NKAIN2: variants seen among roughly 807,000 people sequenced by gnomAD.
The protein encoded by NKAIN2 is sodium/potassium-transporting ATPase subunit beta-1-interacting protein 2.
In NKAIN2, 14 loss-of-function variants were observed where a neutral mutation model predicts 32.6. That is an observed-to-expected ratio of 0.43 (90% CI 0.28 to 0.67). The LOEUF is 0.67. Among genes scored for constraint, NKAIN2 ranks in the 30% least tolerant of loss-of-function variants. The probability of loss-of-function intolerance (pLI) is 0.17; values close to 1 mark genes in which losing one functional copy is unlikely to be tolerated. For synonymous variants in NKAIN2, 80 were observed against 87.2 expected (o/e 0.92, Z 0.46); for missense variants, 198 against 258.3 (o/e 0.77, Z 1.60).
chr6:124,080,720 G>A (rs371815665), intron 1 of NKAIN2, among the ~76,000 whole-genome samples: 6 of 149,010 alleles, frequency 4.0e-5, no homozygotes, highest in East Asian at 2.0e-4. Flanking sequence ...AAACACACAC[G>A]ACTACTAGCA....
intron 4 of NKAIN2, among the ~76,000 whole-genome samples, chr6:124,775,652 A>T (rs972833624): frequency 6.6e-6 from 1 of 152,094 alleles, no homozygotes; most frequent in African/African-American, 2.4e-5. Flanking sequence ...ATTGCATGTG[A>T]CTATAAAGAG....
chr6:124,789,621 A>G (rs1293970094), intron 4 of NKAIN2, among the ~76,000 whole-genome samples: 1 of 151,932 alleles, frequency 6.6e-6, no homozygotes, highest in South Asian at 2.1e-4. Context: ...TCAAATCACT[A>G]TGTGATTTGA....
intron 1 of NKAIN2, among the ~76,000 whole-genome samples, chr6:123,898,056 C>A (rs1236698879): frequency 6.6e-6 from 1 of 152,146 alleles, no homozygotes; most frequent in Non-Finnish European, 1.5e-5. Context: ...CAAATTTATA[C>A]TTACAGCACA....
intron 1 of NKAIN2, among the ~76,000 whole-genome samples, chr6:124,046,591 C>T (rs543568704): frequency 6.6e-6 from 1 of 151,904 alleles, no homozygotes; most frequent in African/African-American, 2.4e-5. Context: ...TTGAATTAAG[C>T]AATAAAGAGT....
intron 3 of NKAIN2, among the ~76,000 whole-genome samples, chr6:124,515,512 G>A (rs1402868364): frequency 2.6e-5 from 4 of 151,874 alleles, no homozygotes; most frequent in Non-Finnish European, 5.9e-5. Flanking sequence ...CCAACTCTCG[G>A]ATGATTCATA....
chr6:124,348,504 G>T (rs1278988843), intron 2 of NKAIN2, among the ~76,000 whole-genome samples: 8 of 152,212 alleles, frequency 5.3e-5, no homozygotes, highest in Admixed American at 5.2e-4. Context: ...GAGCTTCCTG[G>T]CTGCTTTGTT....
intron 1 of NKAIN2, among the ~76,000 whole-genome samples, chr6:124,081,622 A>T (rs190784681): frequency 1.3e-5 from 2 of 152,092 alleles, no homozygotes; most frequent in African/African-American, 4.8e-5. Flanking sequence ...TCAGTAAAGG[A>T]TATTAAAGTT....
At chr6:124,582,626 C>T (rs1172310382) in intron 3 of NKAIN2, among the ~76,000 whole-genome samples, 2 of 151,984 alleles carry the variant, frequency 1.3e-5, no homozygotes, top group African/African-American at 4.8e-5. Context: ...CTAGTATTGT[C>T]TTGATACCAA....
chr6:124,345,692 A>AT (rs1309671122), intron 2 of NKAIN2, among the ~76,000 whole-genome samples: 2 of 151,546 alleles, frequency 1.3e-5, no homozygotes, highest in African/African-American at 4.9e-5. Context: ...CCCCTTTATC[A>AT]TTTTTTATTG....
chr6:124,390,484 T>C (rs1259996928), intron 3 of NKAIN2, among the ~76,000 whole-genome samples: 1 of 152,130 alleles, frequency 6.6e-6, no homozygotes, highest in Non-Finnish European at 1.5e-5. Flanking sequence ...CTGGCATGTG[T>C]CTTTTCCAAA....
At chr6:124,729,344 A>G (rs989591272) in intron 4 of NKAIN2, among the ~76,000 whole-genome samples, 29 of 150,920 alleles carry the variant, frequency 1.9e-4, no homozygotes, top group African/African-American at 7.0e-4. Flanking sequence ...GCAGCACATC[A>G]AAAAGCTTAT....
chr6:124,302,141 T>C (rs746156095), intron 2 of NKAIN2, among the ~76,000 whole-genome samples: 1 of 152,210 alleles, frequency 6.6e-6, no homozygotes, highest in Admixed American at 6.5e-5. Context: ...GACGTTTTTA[T>C]AATGGGAGTT....
At chr6:124,157,128 A>AAG (rs1788027017) in intron 1 of NKAIN2, among the ~76,000 whole-genome samples, 2 of 144,902 alleles carry the variant, frequency 1.4e-5, no homozygotes, top group Non-Finnish European at 3.0e-5. Context: ...AAAAAAAAAA[A>AAG]GGTGACCTAA....
chr6:124,496,634 A>G (rs1196804976), intron 3 of NKAIN2, among the ~76,000 whole-genome samples: 4 of 152,120 alleles, frequency 2.6e-5, no homozygotes, highest in African/African-American at 9.7e-5. Context: ...GCCTTTAATA[A>G]TGAGTGGAAT....
intron 4 of NKAIN2, among the ~76,000 whole-genome samples, chr6:124,671,778 G>A (rs1054967219): frequency 1.1e-4 from 16 of 151,674 alleles, no homozygotes; most frequent in Non-Finnish European, 2.1e-4. Flanking sequence ...AAATCTCTTC[G>A]TTCTCTTAAT....
intron 4 of NKAIN2, among the ~76,000 whole-genome samples, chr6:124,785,944 C>T (rs966003992): frequency 6.6e-6 from 1 of 152,128 alleles, no homozygotes; most frequent in Non-Finnish European, 1.5e-5. Context: ...TGGCTCCCTA[C>T]TCTTTGTTGC....
At chr6:124,194,994 G>A (rs1170967473) in intron 1 of NKAIN2, among the ~76,000 whole-genome samples, 2 of 57,004 alleles carry the variant, frequency 3.5e-5, no homozygotes, top group East Asian at 7.8e-4. Flanking sequence ...TCATATTATT[G>A]GCTTTTTTTT....
rs555933891 is a variant in NKAIN2 at position 124,755,959 on chromosome 6, CTG to C, written c.475-35376_475-35375del. The stretch of plus-strand genomic sequence containing the variant: ...CTTTTAAATGCACTCTGGCTAAAGA[CTG>C]TGTCTTTTCTACATTTTCATGCCTA... On this transcript the variant is annotated intron_variant, in intron 4 of 6. Transcript: ENST00000368417. 1.4e-3 allele frequency among the ~76,000 whole-genome samples: 206 copies of C among 152,158 alleles called. 1 individual carries two copies. Among genetic ancestry groups the C allele is most frequent in the Non-Finnish European group, 2.2e-4 (15 of 67,996 alleles).
intron 4 of NKAIN2, among the ~76,000 whole-genome samples, chr6:124,667,596 T>C (rs894068109): frequency 4.6e-5 from 7 of 152,254 alleles, no homozygotes; most frequent in East Asian, 3.9e-4. Flanking sequence ...TTTCCAGTCA[T>C]GATCAGTTAT....
Sources: gnomAD v4.1 joint callset for allele counts (sites outside exome capture counted in the v4.1 genomes callset) on GRCh38, gnomAD v4.1.1 for gene constraint, MANE v1.5 for transcripts, NCBI Gene and HGNC (gene_info 2026-07-23, HGNC 2026-07-21) for gene names.